The following PPP3R2 variants were observed in gnomAD, a reference collection of about 807,000 sequenced individuals.
PPP3R2 encodes protein phosphatase 3 regulatory subunit B, beta, also known as calcineurin subunit B type 2.
For missense variants in PPP3R2, 225 were observed against 217.4 expected, an observed-to-expected ratio of 1.03 and a Z score of -0.22; for synonymous variants, 91 against 91.5, an observed-to-expected ratio of 0.99 and a Z score of 0.03.
At position 101,593,045 on chromosome 9, in the gene PPP3R2, C is replaced by T. The variant is rs1179057016; in HGVS notation, c.*1364G>A. 3 of 152,208 alleles carry T rather than the reference C, an allele frequency of 2.0e-5. No individual in the cohort carries two copies. The highest frequency in any genetic ancestry group is 4.4e-5 in the Non-Finnish European group (3 of 68,062). The allele number at this position is 152,208 out of a possible 1,614,324, so 9.4% of individuals were successfully genotyped here. A position where few individuals can be genotyped will look rare whatever the true frequency, so the allele number is the denominator to read the frequency against. ...CTGAGGACAGTTCATGCTCTGAGAA[C>T]TCACAATAGTATGTGGGACACCTCA... On this transcript the variant is annotated 3_prime_UTR_variant, in exon 1 of 1. Transcript: ENST00000374806.
In PPP3R2 at chr9:101,592,785, C is replaced by G. The variant is rs1260221555; in HGVS notation, c.*1624G>C. The G allele has an allele frequency of 6.6e-6, 1 of 150,510 alleles. No individual in the cohort carries two copies. Among genetic ancestry groups the G allele is most frequent in the Admixed American group, 6.6e-5 (1 of 15,112 alleles). 9.3% of individuals were successfully genotyped at this position (150,510 alleles called of 1,614,324 possible). A position where few individuals can be genotyped will look rare whatever the true frequency, so the allele number is the denominator to read the frequency against. On this transcript the variant is annotated 3_prime_UTR_variant, in exon 1 of 1. Transcript: ENST00000374806. ...TTTTTTTTTTCTATTTTGGTCAAGA[C>G]CAGTTGCCAGCTTCTTCCAAATAAA...
Position 101,592,393 on chromosome 9 carries a change from C to T in PPP3R2, c.*2016G>A, listed in dbSNP as rs1478111002. 1 of 152,148 alleles carries T rather than the reference C, an allele frequency of 6.6e-6. No individual in the cohort carries two copies. 9.4% of individuals were successfully genotyped at this position (152,148 alleles called of 1,614,324 possible). A position where few individuals can be genotyped will look rare whatever the true frequency, so the allele number is the denominator to read the frequency against. On this transcript the variant is annotated 3_prime_UTR_variant, in exon 1 of 1. Coordinates refer to ENST00000374806, the MANE Select transcript of PPP3R2 (RefSeq NM_147180.4). ...AGTTGAATGAAAGTGGAATTGTGCTCCAGGTGTGTTGCATGCCTTTTTGAA... is the reference window on the plus strand; with the variant it reads ...AGTTGAATGAAAGTGGAATTGTGCTTCAGGTGTGTTGCATGCCTTTTTGAA...
Position 101,593,971 on chromosome 9 carries a change from T to C in PPP3R2, c.*438A>G, listed in dbSNP as rs1284991849. On this transcript the variant is annotated 3_prime_UTR_variant, in exon 1 of 1. Coordinates refer to ENST00000374806, the MANE Select transcript of PPP3R2 (RefSeq NM_147180.4). Reference sequence around the variant, plus strand: ...TGTCCCTGTTGCTACAATAGGAAGTTAACAATCTGGCAAGATATCTGAACA... The same window carrying C: ...TGTCCCTGTTGCTACAATAGGAAGTCAACAATCTGGCAAGATATCTGAACA... 1 of 157,298 alleles carries C rather than the reference T, an allele frequency of 6.4e-6. No individual in the cohort carries two copies. The highest frequency in any genetic ancestry group is 2.4e-5 in the African/African-American group (1 of 41,518). 9.7% of individuals were successfully genotyped at this position (157,298 alleles called of 1,614,324 possible).
chr9:101,594,675 T>C lies in PPP3R2; in HGVS notation c.247A>G (p.Ser83Gly). The C allele has an allele frequency of 1.2e-6, 2 of 1,614,204 alleles. No homozygotes were observed. The highest frequency in any genetic ancestry group is 1.7e-6 in the Non-Finnish European group (2 of 1,180,046). Residue 83 changes from serine (S) to glycine (G), a missense_variant, in exon 1 of 1, where the codon AGC becomes GGC. Coordinates refer to ENST00000374806, the MANE Select transcript of PPP3R2 (RefSeq NM_147180.4). ...TTCTGCTCCTCGTCGCCCTTGACGC[T>C]GAACTGGGAGGTCCCCAGGATGAAT... ...KEFILGTSQFSVKGDEEQKLR... is the reference protein window; with the variant it reads ...KEFILGTSQFGVKGDEEQKLR...
chr9:101,594,457 A>T lies in PPP3R2; in HGVS notation c.465T>A (p.Ala155=). The change falls in exon 1 of 1, where the codon GCT becomes GCA. Residue 155 remains alanine, a synonymous_variant. Coordinates refer to ENST00000374806, the MANE Select transcript of PPP3R2 (RefSeq NM_147180.4). ...TGTGGATCTCCAGGTCTCTGACCAC[A>T]GCACTGAATTCCTCAAAGGATATCT... ...DGKISFEEFS[A]VVRDLEIHKK... 1 of 1,614,022 alleles carries T rather than the reference A, an allele frequency of 6.2e-7. No individual in the cohort carries two copies.
Position 101,593,548 on chromosome 9 carries a change from G to A in PPP3R2, c.*861C>T, listed in dbSNP as rs1828063115. The A allele has an allele frequency of 6.6e-6, 1 of 152,228 alleles. No homozygotes were observed. Among genetic ancestry groups the A allele is most frequent in the African/African-American group, 2.4e-5 (1 of 41,460 alleles). 9.4% of individuals were successfully genotyped at this position (152,228 alleles called of 1,614,324 possible). A position where few individuals can be genotyped will look rare whatever the true frequency, so the allele number is the denominator to read the frequency against. On this transcript the variant is annotated 3_prime_UTR_variant, in exon 1 of 1. Coordinates refer to ENST00000374806, the MANE Select transcript of PPP3R2 (RefSeq NM_147180.4). ...TCCTCCGTAGGACAACTAACTAAAT[G>A]TCTCATTGTCTCCACCTGGGGGTAG...
rs1490227953 is a variant in PPP3R2 at position 101,593,773 on chromosome 9, A to C, written c.*636T>G. On this transcript the variant is annotated 3_prime_UTR_variant, in exon 1 of 1. Coordinates refer to ENST00000374806, the MANE Select transcript of PPP3R2 (RefSeq NM_147180.4). ...AGAGCCCTGAAGCTAGTTTCTGTTC[A>C]GGAGCTGGAGCAACAAGTCAGGAGG... The C allele has an allele frequency of 6.6e-6, 1 of 152,350 alleles. No homozygotes were observed. The highest frequency in any genetic ancestry group is 1.9e-4 in the East Asian group (1 of 5,192). The allele number at this position is 152,350 out of a possible 1,614,324, so 9.4% of individuals were successfully genotyped here.
rs1306458596 is a variant in PPP3R2 at position 101,592,043 on chromosome 9, ATG to A, written c.*2364_*2365del. On this transcript the variant is annotated 3_prime_UTR_variant, in exon 1 of 1. Transcript: ENST00000374806. The stretch of plus-strand genomic sequence containing the variant: ...ATAATGTCCTCTTGGCTAGCATGAC[ATG>A]TGCTCACTTCCTCCATGTAAAATTC... 1 of 152,218 alleles carries A rather than the reference ATG, an allele frequency of 6.6e-6. No individual in the cohort carries two copies. The highest frequency in any genetic ancestry group is 1.5e-5 in the Non-Finnish European group (1 of 68,046). The allele number at this position is 152,218 out of a possible 1,614,324, so 9.4% of individuals were successfully genotyped here.
Position 101,594,459 on chromosome 9 carries a change from C to G in PPP3R2, c.463G>C (p.Ala155Pro). 1 of 1,614,012 alleles carries G rather than the reference C, an allele frequency of 6.2e-7. No individual in the cohort carries two copies. The highest frequency in any genetic ancestry group is 8.5e-7 in the Non-Finnish European group (1 of 1,179,922). ...DGKISFEEFS[A>P]VVRDLEIHKK... ...TGGATCTCCAGGTCTCTGACCACAG[C>G]ACTGAATTCCTCAAAGGATATCTTC... Residue 155 changes from alanine to proline, a missense_variant, in exon 1 of 1, where the codon GCT becomes CCT. Physicochemically the swap from Ala to Pro is conservative, Grantham distance 27. Transcript: ENST00000374806.
Position 101,593,852 on chromosome 9 carries a change from G to A in PPP3R2, c.*557C>T, listed in dbSNP as rs1304558336. 1.3e-5 allele frequency: 2 copies of A among 152,778 alleles called. No homozygotes were observed. The highest frequency in any genetic ancestry group is 4.8e-5 in the African/African-American group (2 of 41,438). 9.5% of individuals were successfully genotyped at this position (152,778 alleles called of 1,614,324 possible). A position where few individuals can be genotyped will look rare whatever the true frequency, so the allele number is the denominator to read the frequency against. On this transcript the variant is annotated 3_prime_UTR_variant, in exon 1 of 1. Coordinates refer to ENST00000374806, the MANE Select transcript of PPP3R2 (RefSeq NM_147180.4). The stretch of plus-strand genomic sequence containing the variant: ...ATGCACAGCGATTTCTGGATGCATT[G>A]TGGGGAATGGGGCTGCAATCTGCCG...
rs1290568793 is a variant in PPP3R2, at chr9:101,594,365, G to A, written c.*44C>T. ...CTTGAGCAAATCTTGAAAGAGATAG[G>A]GAAGAAAGCAGAAGTTGTTGGGTGG... is the stretch of plus-strand genomic sequence containing the variant. On this transcript the variant is annotated 3_prime_UTR_variant, in exon 1 of 1. Coordinates refer to ENST00000374806, the MANE Select transcript of PPP3R2 (RefSeq NM_147180.4). 1 of 1,542,010 alleles carries A rather than the reference G, an allele frequency of 6.5e-7. No individual in the cohort carries two copies. The highest frequency in any genetic ancestry group is 8.7e-7 in the Non-Finnish European group (1 of 1,145,746).
rs371906886 is a variant in PPP3R2, at chr9:101,594,963, G to C, written c.-42C>G. On this transcript the variant is annotated 5_prime_UTR_variant, in exon 1 of 1. Coordinates refer to ENST00000374806, the MANE Select transcript of PPP3R2 (RefSeq NM_147180.4). ...CGGCCACGGCTCAAAGGGTCGGAGA[G>C]GGGAGCAGGGGCGGTGAGCTCGGGC... 1.4e-5 allele frequency: 22 copies of C among 1,572,676 alleles called. No homozygotes were observed. Among genetic ancestry groups the C allele is most frequent in the Non-Finnish European group, 1.9e-5 (22 of 1,166,258 alleles).
In PPP3R2 at chr9:101,594,330, A is replaced by G. The variant is rs1036114120; in HGVS notation, c.*79T>C. On this transcript the variant is annotated 3_prime_UTR_variant, in exon 1 of 1. Coordinates refer to ENST00000374806, the MANE Select transcript of PPP3R2 (RefSeq NM_147180.4). ...ATACTTCCAGATAAGTCAGAGAGACAGTTGGACGTCTTGAGCAAATCTTGA... is the reference window on the plus strand; with the variant it reads ...ATACTTCCAGATAAGTCAGAGAGACGGTTGGACGTCTTGAGCAAATCTTGA... The G allele has an allele frequency of 3.4e-6, 5 of 1,489,096 alleles. No homozygotes were observed. The African/African-American group carries it at 5.6e-5, about 17-fold the overall frequency. The allele number at this position is 1,489,096 out of a possible 1,614,324, so 92.2% of individuals were successfully genotyped here. A position where few individuals can be genotyped will look rare whatever the true frequency, so the allele number is the denominator to read the frequency against.
rs1373574887 is a variant in PPP3R2 at position 101,591,608 on chromosome 9, G to A, written c.*2801C>T. 2.0e-5 allele frequency: 3 copies of A among 152,134 alleles called. No individual in the cohort carries two copies. The highest frequency in any genetic ancestry group is 6.6e-5 in the Admixed American group (1 of 15,266). The allele number at this position is 152,134 out of a possible 1,614,324, so 9.4% of individuals were successfully genotyped here. ...TAACAAAGGTTATATCAAAAGTTAT[G>A]GGACAATTGCTCAATAAATGTTTAT... On this transcript the variant is annotated 3_prime_UTR_variant, in exon 1 of 1. Transcript: ENST00000374806.
chr9:101,594,235 G>C lies in PPP3R2; in HGVS notation c.*174C>G, dbSNP rs989724056. The C allele has an allele frequency of 2.5e-6, 2 of 804,158 alleles. No individual in the cohort carries two copies. Among genetic ancestry groups the C allele is most frequent in the Non-Finnish European group, 3.8e-6 (2 of 526,802 alleles). 49.8% of individuals were successfully genotyped at this position (804,158 alleles called of 1,614,324 possible). On this transcript the variant is annotated 3_prime_UTR_variant, in exon 1 of 1. Coordinates refer to ENST00000374806, the MANE Select transcript of PPP3R2 (RefSeq NM_147180.4). ...CCTATAGGGTACCCTGAGTCATTCA[G>C]AGAAGGAGAATTAATAGCACTGAGT...
In PPP3R2 at chr9:101,594,384, T is replaced by G; in HGVS notation, c.*25A>C. 6.4e-7 allele frequency: 1 copy of G among 1,562,330 alleles called. No homozygotes were observed. The highest frequency in any genetic ancestry group is 1.4e-5 in the African/African-American group (1 of 73,396). On this transcript the variant is annotated 3_prime_UTR_variant, in exon 1 of 1. Transcript: ENST00000374806. ...AGATAGGGAAGAAAGCAGAAGTTGTTGGGTGGTGCTTGTAAGAAAAAGGCT... is the reference window on the plus strand; with the variant it reads ...AGATAGGGAAGAAAGCAGAAGTTGTGGGGTGGTGCTTGTAAGAAAAAGGCT...
Position 101,594,271 on chromosome 9 carries a change from G to A in PPP3R2, c.*138C>T. 2 of 1,099,600 alleles carry A rather than the reference G, an allele frequency of 1.8e-6. No homozygotes were observed. The highest frequency in any genetic ancestry group is 2.6e-6 in the Non-Finnish European group (2 of 783,750). 68.1% of individuals were successfully genotyped at this position (1,099,600 alleles called of 1,614,324 possible). ...TTAATAGCACTGAGTTGGTGATGAA[G>A]CTCCTGTTAGGACATATGGCTTCAC... On this transcript the variant is annotated 3_prime_UTR_variant, in exon 1 of 1. Coordinates refer to ENST00000374806, the MANE Select transcript of PPP3R2 (RefSeq NM_147180.4).
At position 101,593,402 on chromosome 9, in the gene PPP3R2, G is replaced by A. The variant is rs1385713260; in HGVS notation, c.*1007C>T. On this transcript the variant is annotated 3_prime_UTR_variant, in exon 1 of 1. Coordinates refer to ENST00000374806, the MANE Select transcript of PPP3R2 (RefSeq NM_147180.4). ...GATTTTCAAAATCAGCATAGCTGGTGTAGCTAGCATCCACCTCTGCTGTGG... is the reference window on the plus strand; with the variant it reads ...GATTTTCAAAATCAGCATAGCTGGTATAGCTAGCATCCACCTCTGCTGTGG... The A allele has an allele frequency of 6.6e-6, 1 of 152,218 alleles. No homozygotes were observed. The highest frequency in any genetic ancestry group is 2.4e-5 in the African/African-American group (1 of 41,462). 9.4% of individuals were successfully genotyped at this position (152,218 alleles called of 1,614,324 possible).
rs778025730 is a variant in PPP3R2, at chr9:101,594,667, C to T, written c.255G>A (p.Lys85=). ...FILGTSQFSV[K]GDEEQKLRFA... is the part of the protein sequence containing the mutation. ...ACCTCAACTTCTGCTCCTCGTCGCC[C>T]TTGACGCTGAACTGGGAGGTCCCCA... Residue 85 remains lysine, a synonymous_variant, in exon 1 of 1, where the codon AAG becomes AAA. Transcript: ENST00000374806. 1.2e-6 allele frequency: 2 copies of T among 1,614,194 alleles called. No homozygotes were observed. The highest frequency in any genetic ancestry group is 2.2e-5 in the South Asian group (2 of 91,086).
Sources: gnomAD v4.1 joint callset for allele counts on GRCh38, gnomAD v4.1.1 for gene constraint, MANE v1.5 for transcripts, NCBI Gene and HGNC (gene_info 2026-07-23, HGNC 2026-07-21) for gene names.